DDX19A: variants seen among roughly 807,000 people sequenced by gnomAD.
The protein encoded by DDX19A is ATP-dependent RNA helicase DDX19A.
In DDX19A, 12 loss-of-function variants were observed where a neutral mutation model predicts 60.6. The observed-to-expected ratio is 0.20, with a 90% confidence interval of 0.13 to 0.32. The LOEUF is 0.32. Among genes scored for constraint, DDX19A ranks in the 10% least tolerant of loss-of-function variants. DDX19A has a pLI of 1.00. For missense variants in DDX19A, 337 were observed against 600.6 expected (o/e 0.56, Z 4.59); for synonymous variants, 206 against 218.2 (o/e 0.94, Z 0.49).
At position 70,355,444 on chromosome 16, in the gene DDX19A, A is replaced by T. The variant is rs150935746; in HGVS notation, c.107-41A>T. 5.5e-6 allele frequency: 8 copies of T among 1,447,604 alleles called. No individual in the cohort carries two copies. In the African/African-American group the frequency reaches 9.8e-5, roughly 18 times the overall value. The allele number at this position is 1,447,604 out of a possible 1,614,324, so 89.7% of individuals were successfully genotyped here. On this transcript the variant is annotated intron_variant, in intron 2 of 11. Coordinates refer to ENST00000302243, the MANE Select transcript of DDX19A (RefSeq NM_018332.5). ...TTGTCCCACATTTTTGGTGGTTCTC[A>T]TATTTGCCTTTCTAATTATGACAAT...
At chr16:70,352,625 T>A (rs1964054363) in intron 2 of DDX19A, among the ~76,000 whole-genome samples, 1 of 142,278 alleles carries the variant, frequency 7.0e-6, no homozygotes, top group Admixed American at 7.4e-5. Flanking sequence ...ATTGTGTCGA[T>A]CTACCACGAT....
At chr16:70,365,812 T>A in intron 7 of DDX19A, 1 of 521,698 alleles carries the variant, frequency 1.9e-6, no homozygotes, top group Non-Finnish European at 3.4e-6. Flanking sequence ...TAAAAAGAGT[T>A]GGATGATGTT....
Position 70,359,756 on chromosome 16 carries a change from T to TCAA in DDX19A, c.294-1662_294-1661insCAA, listed in dbSNP as rs1455246568. ...GCCTGCAGCCCCAGCTACTCAAGGG[T>TCAA]GGGAGGATCTCTTGAGGCCTGGGAG... is the stretch of plus-strand genomic sequence containing the variant. On this transcript the variant is annotated intron_variant, in intron 4 of 11. Coordinates refer to ENST00000302243, the MANE Select transcript of DDX19A (RefSeq NM_018332.5). Among the ~76,000 whole-genome samples, 11 of 151,624 alleles carry TCAA rather than the reference T, an allele frequency of 7.3e-5. No individual in the cohort carries two copies. In the East Asian group the frequency reaches 2.1e-3, roughly 30 times the overall value.
At chr16:70,355,973 T>C in intron 3 of DDX19A, 139 bp from the exon 4 acceptor site, 1 of 1,080,734 alleles carries the variant, frequency 9.3e-7, no homozygotes, top group Non-Finnish European at 1.3e-6. Context: ...AATAAATAAA[T>C]AGAGACCTAT....
At chr16:70,369,196 T>G (rs1964609130) in intron 9 of DDX19A, among the ~76,000 whole-genome samples, 1 of 138,964 alleles carries the variant, frequency 7.2e-6, no homozygotes, top group African/African-American at 3.0e-5. Flanking sequence ...TTTTTTTTTT[T>G]TTGAAACGGA....
intron 2 of DDX19A, among the ~76,000 whole-genome samples, chr16:70,351,763 C>T (rs966617524): frequency 7.9e-5 from 12 of 151,694 alleles, no homozygotes; most frequent in Non-Finnish European, 2.9e-5. Flanking sequence ...GTCCTGACCT[C>T]GTGATCCACC....
intron 9 of DDX19A, among the ~76,000 whole-genome samples, chr16:70,368,785 C>G (rs528014839): frequency 6.6e-6 from 1 of 152,142 alleles, no homozygotes; most frequent in South Asian, 2.1e-4. Flanking sequence ...GTTGTCATGT[C>G]TCTTAAGACT....
intron 4 of DDX19A, among the ~76,000 whole-genome samples, chr16:70,360,291 A>AAAAAAAT (rs1964327825): frequency 7.2e-6 from 1 of 138,456 alleles, no homozygotes; most frequent in Non-Finnish European, 1.6e-5. Context: ...AAAAAAAAAA[A>AAAAAAAT]TTTTTTTTTT....
At position 70,347,050 on chromosome 16, in the gene DDX19A, T is replaced by C; in HGVS notation, c.57+2T>C. On this transcript the variant is annotated splice_donor_variant, in intron 1 of 11. Coordinates refer to ENST00000302243, the MANE Select transcript of DDX19A (RefSeq NM_018332.5). LOFTEE classifies it high-confidence loss of function. ...GAGCAGGAAGCGGCTGTCAAGTCGG[T>C]CAGTAGCTCAGCTCCTGGCGAGGAG... 1 of 1,611,190 alleles carries C rather than the reference T, an allele frequency of 6.2e-7. No individual in the cohort carries two copies. The highest frequency in any genetic ancestry group is 8.5e-7 in the Non-Finnish European group (1 of 1,179,410).
rs45472097 is a variant in DDX19A, at chr16:70,347,042, C to G, written c.51C>G (p.Val17=). The change falls in exon 1 of 12, where the codon GTC becomes GTG. Residue 17 remains valine (V), a synonymous_variant. Coordinates refer to ENST00000302243, the MANE Select transcript of DDX19A (RefSeq NM_018332.5). ...ALAVDEQEAA[V]KSMTNLQIKE... ...CGGTGGACGAGCAGGAAGCGGCTGT[C>G]AAGTCGGTCAGTAGCTCAGCTCCTG... The G allele has an allele frequency of 1.2e-6, 2 of 1,612,060 alleles. No homozygotes were observed. The highest frequency in any genetic ancestry group is 1.7e-6 in the Non-Finnish European group (2 of 1,179,620).
chr16:70,371,401 A>G lies in DDX19A; in HGVS notation c.1213A>G (p.Ile405Val). The G allele has an allele frequency of 6.2e-7, 1 of 1,613,370 alleles. No homozygotes were observed. The highest frequency in any genetic ancestry group is 8.5e-7 in the Non-Finnish European group (1 of 1,179,774). Residue 405 changes from isoleucine (I) to valine (V), a missense_variant, in exon 11 of 12, where the codon ATC becomes GTC. Transcript: ENST00000302243. ...TGATGTTGAACAAGTGTCTGTCGTC[A>G]TCAACTTTGATCTTCCCGTGGACAA... ...GIDVEQVSVV[I>V]NFDLPVDKDG...
Position 70,346,910 on chromosome 16 carries a change from C to G in DDX19A, c.-82C>G, listed in dbSNP as rs561613807. On this transcript the variant is annotated 5_prime_UTR_variant, in exon 1 of 12. Transcript: ENST00000302243. ...TTCCGGTCCGCGTGAGGTGCATTCT[C>G]GCGCCGGTGGCGAGGTTAGGGCCCG... is the stretch of plus-strand genomic sequence containing the variant. 65 of 1,421,158 alleles carry G rather than the reference C, an allele frequency of 4.6e-5. No homozygotes were observed. The African/African-American group carries it at 8.0e-4, about 17-fold the overall frequency. The allele number at this position is 1,421,158 out of a possible 1,614,324, so 88.0% of individuals were successfully genotyped here.
In DDX19A at chr16:70,347,117, G is replaced by A. The variant is rs112328301; in HGVS notation, c.57+69G>A. Reference sequence around the variant, plus strand: ...AAGCGAAACCTCCCAAAAGCACAGGGAGCTCCCCGGGTTGGGGAGGCCCCT... The same window carrying A: ...AAGCGAAACCTCCCAAAAGCACAGGAAGCTCCCCGGGTTGGGGAGGCCCCT... On this transcript the variant is annotated intron_variant, in intron 1 of 11. Transcript: ENST00000302243. 12,951 of 1,510,860 alleles carry A rather than the reference G, an allele frequency of 8.6e-3. 78 individuals carry two copies. Among genetic ancestry groups the A allele is most frequent in the Non-Finnish European group, 0.01 (11,637 of 1,111,728 alleles). The allele number at this position is 1,510,860 out of a possible 1,614,324, so 93.6% of individuals were successfully genotyped here.
chr16:70,347,369 C>A (rs1963865798), intron 1 of DDX19A: 1 of 407,570 alleles, frequency 2.5e-6, no homozygotes, highest in African/African-American at 2.0e-5. Context: ...CATTACGCGA[C>A]TGTTCTTCGC....
chr16:70,364,588 A>T lies in DDX19A; in HGVS notation c.432A>T (p.Thr144=). 6.2e-7 allele frequency: 1 copy of T among 1,614,196 alleles called. No homozygotes were observed. Among genetic ancestry groups the T allele is most frequent in the Non-Finnish European group, 8.5e-7 (1 of 1,180,020 alleles). Residue 144 remains threonine (T), a synonymous_variant, in exon 6 of 12, where the codon ACA becomes ACT. Coordinates refer to ENST00000302243, the MANE Select transcript of DDX19A (RefSeq NM_018332.5). ...IAQSQSGTGK[T]AAFVLAMLSR... ...AGTCTCAGTCTGGCACTGGTAAAAC[A>T]GCTGCCTTTGTCTTAGCCATGCTCA...
chr16:70,357,879 C>T (rs1204005885), intron 4 of DDX19A, among the ~76,000 whole-genome samples: 1 of 152,030 alleles, frequency 6.6e-6, no homozygotes, highest in Non-Finnish European at 1.5e-5. Context: ...TGCCTTAGTT[C>T]AGCAAAATCT....
chr16:70,366,770 A>G lies in DDX19A; in HGVS notation c.929A>G (p.Tyr310Cys), dbSNP rs773246101. 3.1e-6 allele frequency: 5 copies of G among 1,614,182 alleles called. No homozygotes were observed. Among genetic ancestry groups the G allele is most frequent in the Middle Eastern group, 1.7e-4 (1 of 6,060 alleles). Residue 310 changes from tyrosine (Y) to cysteine (C), a missense_variant, in exon 9 of 12, where the codon TAT becomes TGT. Around this residue, in one of 6 missense-constraint regions of DDX19A, gnomAD observed 117 missense variants for 274.3 expected, o/e 0.43. Transcript: ENST00000302243. Reference sequence around the variant, plus strand: ...ACCCTGGATACCATCAAGCAGTACTATGTCCTGTGCAGCAGCAGAGACGAG... The same window carrying G: ...ACCCTGGATACCATCAAGCAGTACTGTGTCCTGTGCAGCAGCAGAGACGAG... ...EETLDTIKQYYVLCSSRDEKF... is the reference protein window; with the variant it reads ...EETLDTIKQYCVLCSSRDEKF...
intron 4 of DDX19A, among the ~76,000 whole-genome samples, chr16:70,358,617 G>T (rs536254106): frequency 6.6e-6 from 1 of 152,198 alleles, no homozygotes; most frequent in East Asian, 1.9e-4. Context: ...GTCAAGGCAG[G>T]TGGATTGTCT....
At position 70,358,018 on chromosome 16, in the gene DDX19A, T is replaced by A. The variant is rs1361390427; in HGVS notation, c.293+1771T>A. Among the ~76,000 whole-genome samples, 4 of 152,088 alleles carry A rather than the reference T, an allele frequency of 2.6e-5. No homozygotes were observed. In the East Asian group the frequency reaches 7.7e-4, roughly 29 times the overall value. Reference sequence around the variant, plus strand: ...TTGAAGAACAATTTTTTATTTTTATTTTTTATTTCTATTCATTTATTTATT... The same window carrying A: ...TTGAAGAACAATTTTTTATTTTTATATTTTATTTCTATTCATTTATTTATT... On this transcript the variant is annotated intron_variant, in intron 4 of 11. Transcript: ENST00000302243.
Sources: gnomAD v4.1 joint callset for allele counts (sites outside exome capture counted in the v4.1 genomes callset) on GRCh38, gnomAD v4.1.1 for gene constraint, gnomAD v4.1.1 regional missense constraint, MANE v1.5 for transcripts, NCBI Gene and HGNC (gene_info 2026-07-23, HGNC 2026-07-21) for gene names.